TUT1: variants seen among roughly 807,000 people sequenced by gnomAD.
The protein encoded by TUT1 is speckle targeted PIP5K1A-regulated poly(A) polymerase.
A neutral mutation model predicts 48.8 loss-of-function variants in TUT1; 26 were observed. That is an observed-to-expected ratio of 0.53 (90% CI 0.39 to 0.74). TUT1 has a LOEUF of 0.74. Ranked by LOEUF, TUT1 falls within the 30% of genes least tolerant of loss-of-function variation. TUT1 has a pLI of 0.00. For missense variants in TUT1, 1,065 were observed against 1,114.8 expected (o/e 0.96, Z 0.64); for synonymous variants, 470 against 460.8 (o/e 1.02, Z -0.26).
rs753019511 is a variant in TUT1 at position 62,591,449 on chromosome 11, G to T, written c.37C>A (p.Arg13Ser). 1 of 1,608,920 alleles carries T rather than the reference G, an allele frequency of 6.2e-7. No individual in the cohort carries two copies. The highest frequency in any genetic ancestry group is 8.5e-7 in the Non-Finnish European group (1 of 1,177,738). ...AVDSDVESLP[R>S]GGFRCCLCHV... ...CAGAGGCAGCAGCGGAACCCCCCAC[G>T]CGGCAGCGATTCGACATCCGAATCC... The change falls in exon 1 of 9, where the codon CGT becomes AGT. Residue 13 changes from arginine (R) to serine (S), a missense_variant. Physicochemically the swap from Arg to Ser is moderately radical, Grantham distance 110. Coordinates refer to ENST00000476907, the MANE Select transcript of TUT1 (RefSeq NM_022830.3).
Position 62,581,500 on chromosome 11 carries a change from C to T in TUT1, c.475G>A (p.Val159Met), listed in dbSNP as rs774359729. Reference protein sequence around the residue: ...LAKALAEAADVGAQMIKLVGL... With the variant: ...LAKALAEAADMGAQMIKLVGL... ...ACAAGCTTTATCATTTGTGCCCCCA[C>T]GTCTGCAGCCTCAGCTAGCGCTTTG... The change falls in exon 3 of 9, where the codon GTG becomes ATG. Residue 159 changes from valine (V) to methionine (M), a missense_variant. Val to Met is a conservative substitution (Grantham distance 21). Coordinates refer to ENST00000476907, the MANE Select transcript of TUT1 (RefSeq NM_022830.3). The T allele has an allele frequency of 3.1e-6, 5 of 1,614,088 alleles. No homozygotes were observed. The highest frequency in any genetic ancestry group is 1.1e-5 in the South Asian group (1 of 91,086).
At position 62,576,031 on chromosome 11, in the gene TUT1, A is replaced by G. The variant is rs1941721455; in HGVS notation, c.1688T>C (p.Leu563Pro). Residue 563 changes from leucine (L) to proline (P), a missense_variant, in exon 9 of 9, where the codon CTA becomes CCA. Coordinates refer to ENST00000476907, the MANE Select transcript of TUT1 (RefSeq NM_022830.3). ...GGCTGCTGCTCGGCAGCAGTTCTGT[A>G]GGCGCCCAGCCACCCGGCTGGTCAC... Reference protein sequence around the residue: ...ANVTSRVAGRLQNCCRAAANY... With the variant: ...ANVTSRVAGRPQNCCRAAANY... 4.3e-6 allele frequency: 7 copies of G among 1,613,758 alleles called. No individual in the cohort carries two copies. The highest frequency in any genetic ancestry group is 5.9e-6 in the Non-Finnish European group (7 of 1,180,006).
At chr11:62,576,885 G>A in intron 7 of TUT1, 22 bp downstream of exon 7, 1 of 1,608,494 alleles carries the variant, frequency 6.2e-7, no homozygotes, top group Non-Finnish European at 8.5e-7. Flanking sequence ...AAGATGGAGA[G>A]GGTGGAGGCT....
chr11:62,575,817 A>T lies in TUT1; in HGVS notation c.1902T>A (p.His634Gln). Reference protein sequence around the residue: ...VQVFREALGCHIEQATKRTRS... With the variant: ...VQVFREALGCQIEQATKRTRS... ...GCGTTCTCTTGGTTGCCTGTTCTATATGGCACCCCAGTGCTTCCCTGAATA... is the reference window on the plus strand; with the variant it reads ...GCGTTCTCTTGGTTGCCTGTTCTATTTGGCACCCCAGTGCTTCCCTGAATA... The change falls in exon 9 of 9, where the codon CAT becomes CAA. Residue 634 changes from histidine (H) to glutamine (Q), a missense_variant. By Grantham distance (24) the His-to-Gln change is conservative. Coordinates refer to ENST00000476907, the MANE Select transcript of TUT1 (RefSeq NM_022830.3). 6.2e-7 allele frequency: 1 copy of T among 1,614,012 alleles called. No individual in the cohort carries two copies. The highest frequency in any genetic ancestry group is 8.5e-7 in the Non-Finnish European group (1 of 1,179,994).
intron 2 of TUT1, 100 bp downstream of exon 2, chr11:62,588,931 T>G: frequency 8.8e-7 from 1 of 1,139,172 alleles, no homozygotes. Context: ...TAACCTCAGG[T>G]AATCCGCCTG....
chr11:62,591,000 T>C (rs1463362853), intron 1 of TUT1, among the ~76,000 whole-genome samples: 1 of 152,170 alleles, frequency 6.6e-6, no homozygotes, highest in Non-Finnish European at 1.5e-5. Context: ...TTCTCTGATT[T>C]AGTTACTAAT....
In TUT1 at chr11:62,575,770, C is replaced by G. The variant is rs541866912; in HGVS notation, c.1949G>C (p.Gly650Ala). ...KRTRSEGGGT[G>A]ESSQGGTSKR... ...GCTTGTCCCTCCCTGAGAGGACTCC[C>G]CAGTTCCACCTCCTTCTGACCGCGT... is the stretch of plus-strand genomic sequence containing the variant. The change falls in exon 9 of 9, where the codon GGG becomes GCG. Residue 650 changes from glycine (G) to alanine (A), a missense_variant. Physicochemically the swap from Gly to Ala is moderately conservative, Grantham distance 60. Transcript: ENST00000476907. 28 of 1,614,070 alleles carry G rather than the reference C, an allele frequency of 1.7e-5. No homozygotes were observed. Among genetic ancestry groups the G allele is most frequent in the Non-Finnish European group, 2.3e-5 (27 of 1,180,038 alleles).
intron 2 of TUT1, among the ~76,000 whole-genome samples, 180 bp from the exon 3 acceptor site, chr11:62,581,881 C>T (rs1590719966): frequency 6.6e-6 from 1 of 152,250 alleles, no homozygotes; most frequent in East Asian, 1.9e-4. Context: ...TGCAGTGACT[C>T]ATGCCTGTAA....
At position 62,575,886 on chromosome 11, in the gene TUT1, T is replaced by A. The variant is rs1259091473; in HGVS notation, c.1833A>T (p.Leu611Phe). Residue 611 changes from leucine (L) to phenylalanine (F), a missense_variant, in exon 9 of 9, where the codon TTA becomes TTT. Leu to Phe is a conservative substitution (Grantham distance 22, BLOSUM62 0). Coordinates refer to ENST00000476907, the MANE Select transcript of TUT1 (RefSeq NM_022830.3). ...SSLLSATPIP[L>F]PLAPFTQLTA... is the part of the protein sequence containing the mutation. ...TGAGCTGGGTGAAGGGTGCAAGGGG[T>A]AAAGGGATCGGCGTAGCAGAGAGCA... The A allele has an allele frequency of 6.2e-7, 1 of 1,613,932 alleles. No homozygotes were observed. Among genetic ancestry groups the A allele is most frequent in the East Asian group, 2.2e-5 (1 of 44,848 alleles).
At chr11:62,576,502 A>G in intron 8 of TUT1, 155 bp downstream of exon 8, 1 of 824,606 alleles carries the variant, frequency 1.2e-6, no homozygotes, top group Non-Finnish European at 1.9e-6. Context: ...ATTGCTCCCA[A>G]ACATGGTTTC....
intron 2 of TUT1, among the ~76,000 whole-genome samples, chr11:62,586,321 AAG>A (rs1941914031): frequency 6.6e-6 from 1 of 152,254 alleles, no homozygotes; most frequent in Non-Finnish European, 1.5e-5. Context: ...CTGAAACTCA[AAG>A]AGGTTAAGTA....
intron 3 of TUT1, 66 bp from the exon 4 acceptor site, chr11:62,581,272 G>T: frequency 6.3e-7 from 1 of 1,576,830 alleles, no homozygotes; most frequent in South Asian, 1.1e-5. Flanking sequence ...GAACAAAACA[G>T]AGCACAAAGA....
At position 62,581,559 on chromosome 11, in the gene TUT1, G is replaced by C. The variant is rs778857070; in HGVS notation, c.416C>G (p.Pro139Arg). 6.2e-7 allele frequency: 1 copy of C among 1,612,836 alleles called. No homozygotes were observed. Among genetic ancestry groups the C allele is most frequent in the South Asian group, 1.1e-5 (1 of 90,948 alleles). ...GTGACTGTCGGGGGCCGCTCCTTTG[G>C]GGGATTTGGAGGCCGGGCTCTGGAA... ...KEFQSPASKS[P>R]KGAAPDSHQL... The change falls in exon 3 of 9, where the codon CCC becomes CGC. Residue 139 changes from proline (P) to arginine (R), a missense_variant. Coordinates refer to ENST00000476907, the MANE Select transcript of TUT1 (RefSeq NM_022830.3).
rs765227276 is a variant in TUT1, at chr11:62,576,991, C to T, written c.1297G>A (p.Ala433Thr). ...SGSGPLLSNY[A>T]LTLLVIYFLQ... ...AAATAGATCACCAGCAAGGTCAGGG[C>T]GTAGTTACTGAGAAGGGGGCCACTC... Residue 433 changes from alanine to threonine, a missense_variant, in exon 7 of 9, where the codon GCC becomes ACC. Transcript: ENST00000476907. 2.0e-5 allele frequency: 33 copies of T among 1,613,868 alleles called. No homozygotes were observed. Among genetic ancestry groups the T allele is most frequent in the South Asian group, 8.8e-5 (8 of 91,074 alleles).
intron 2 of TUT1, among the ~76,000 whole-genome samples, chr11:62,584,754 C>CTT (rs1039914462): frequency 1.7e-4 from 25 of 151,392 alleles, no homozygotes; most frequent in African/African-American, 5.6e-4. Context: ...CAATTGTATA[C>CTT]TTTTTGTTTG....
intron 4 of TUT1, among the ~76,000 whole-genome samples, chr11:62,579,783 A>C (rs1174232420): frequency 1.3e-5 from 2 of 149,460 alleles, no homozygotes; most frequent in Non-Finnish European, 3.0e-5. Context: ...CTCCTGCCTC[A>C]GCCTCCTGAG....
At chr11:62,576,346 C>T (rs1361658978) in intron 8 of TUT1, 102 bp from the exon 9 acceptor site, 2 of 1,377,882 alleles carry the variant, frequency 1.5e-6, no homozygotes, top group Non-Finnish European at 9.6e-7. Flanking sequence ...TTTTCCCTTC[C>T]AAGGGGCTCA....
rs1056264853 is a variant in TUT1, at chr11:62,586,073, G to A, written c.273+2958C>T. Among the ~76,000 whole-genome samples, 3 of 152,188 alleles carry A rather than the reference G, an allele frequency of 2.0e-5. No homozygotes were observed. In the East Asian group the frequency reaches 5.8e-4, roughly 29 times the overall value. On this transcript the variant is annotated intron_variant, in intron 2 of 8. Coordinates refer to ENST00000476907, the MANE Select transcript of TUT1 (RefSeq NM_022830.3). ...GCTGAGATCGCCCCAAGCCAAGTTC[G>A]CGCCACTGCATTCCAGCCTGGGCAA...
intron 5 of TUT1, 57 bp from the exon 6 acceptor site, chr11:62,577,348 C>T (rs1941746409): frequency 1.2e-5 from 16 of 1,377,802 alleles, no homozygotes; most frequent in Non-Finnish European, 1.6e-5. Context: ...ACCTACCACC[C>T]CCAGCTTTCA....
Sources: allele counts gnomAD v4.1 joint callset (sites outside exome capture counted in the v4.1 genomes callset), GRCh38; gene constraint gnomAD v4.1.1; transcripts MANE v1.5; gene names NCBI Gene and HGNC (gene_info 2026-07-23, HGNC 2026-07-21).